The following EPHB6 variants were observed in gnomAD, a reference collection of about 807,000 sequenced individuals.
EPHB6 encodes the protein EPH receptor B6, also known as ephrin type-B receptor 6.
EPHB6 carries 51 observed loss-of-function variants against 107.0 expected under a neutral mutation model. The observed-to-expected ratio is 0.48, with a 90% CI of 0.38 to 0.60. EPHB6 has a LOEUF of 0.60. Ranked by LOEUF, EPHB6 falls within the 20% of genes least tolerant of loss-of-function variation. The pLI, the probability that EPHB6 is intolerant of heterozygous loss-of-function variation, is 0.00. For synonymous variants in EPHB6, 553 were observed against 549.0 expected (o/e 1.01, Z -0.10); for missense variants, 1,141 against 1,355.5 (o/e 0.84, Z 2.48).
rs1018424960 is a variant in EPHB6 at position 142,864,834 on chromosome 7, A to C, written c.949+85A>C. 8 of 1,519,614 alleles carry C rather than the reference A, an allele frequency of 5.3e-6. No individual in the cohort carries two copies. In the African/African-American group the frequency reaches 8.3e-5, roughly 16 times the overall value. 94.1% of individuals were successfully genotyped at this position (1,519,614 alleles called of 1,614,324 possible). A position where few individuals can be genotyped will look rare whatever the true frequency, so the allele number is the denominator to read the frequency against. On this transcript the variant is annotated intron_variant, in intron 7 of 19. Transcript: ENST00000652003. ...CTCCTCTCTGAACACCCCAAAATTC[A>C]TTTTATCTGCAAAAGGTCAGGAATA...
chr7:142,859,186 C>T (rs943275125), intron 1 of EPHB6, among the ~76,000 whole-genome samples: 1 of 152,142 alleles, frequency 6.6e-6, no homozygotes, highest in Non-Finnish European at 1.5e-5. Flanking sequence ...CTCAAGCAGG[C>T]TGTGAGAGAG....
rs1245324878 is a variant in EPHB6, at chr7:142,870,046, C to T, written c.2610+80C>T. ...AACATTCTAGGACCTCCATTCTCTA[C>T]TCCGTTTGTATTCTAAGATCTCATG... On this transcript the variant is annotated intron_variant, in intron 17 of 19. Transcript: ENST00000652003. 4 of 1,605,848 alleles carry T rather than the reference C, an allele frequency of 2.5e-6. No homozygotes were observed. The East Asian group carries it at 6.7e-5, about 27-fold the overall frequency.
Position 142,867,073 on chromosome 7 carries a change from G to T in EPHB6, c.1750+5G>T, listed in dbSNP as rs765266650. On this transcript the variant is annotated splice_donor_5th_base_variant and intron_variant, in intron 11 of 19. Coordinates refer to ENST00000652003, the MANE Select transcript of EPHB6 (RefSeq NM_004445.6). The surrounding 1 kb of genome is among the most constrained non-coding windows in gnomAD (Gnocchi z 5.3). Reference sequence around the variant, plus strand: ...ATTTCCAGACACTTCCTCAAGGTGAGCGGGGGTCAAGGGCCAGATGGGCAG... The same window carrying T: ...ATTTCCAGACACTTCCTCAAGGTGATCGGGGGTCAAGGGCCAGATGGGCAG... 6.2e-7 allele frequency: 1 copy of T among 1,612,366 alleles called. No homozygotes were observed. The highest frequency in any genetic ancestry group is 1.7e-5 in the Admixed American group (1 of 60,012).
chr7:142,865,695 C>T (rs1803121109), intron 8 of EPHB6, 65 bp downstream of exon 8: 2 of 1,586,434 alleles, frequency 1.3e-6, no homozygotes, highest in Non-Finnish European at 8.6e-7. Flanking sequence ...GTGGGGGTAG[C>T]AGGCAACACT....
rs1275998085 is a variant in EPHB6, at chr7:142,862,847, A to G, written c.-102+14A>G. Reference sequence around the variant, plus strand: ...AAAAAAAAAAGGGTAAGATTGACCCAGAAACACCCTCTGCCCCACTTCTAG... The same window carrying G: ...AAAAAAAAAAGGGTAAGATTGACCCGGAAACACCCTCTGCCCCACTTCTAG... On this transcript the variant is annotated intron_variant, in intron 4 of 19. Coordinates refer to ENST00000652003, the MANE Select transcript of EPHB6 (RefSeq NM_004445.6). 1 of 221,012 alleles carries G rather than the reference A, an allele frequency of 4.5e-6. No individual in the cohort carries two copies. The highest frequency in any genetic ancestry group is 8.9e-6 in the Non-Finnish European group (1 of 111,778). The allele number at this position is 221,012 out of a possible 1,614,324, so 13.7% of individuals were successfully genotyped here.
At chr7:142,856,177 T>G (rs1485831011) in intron 1 of EPHB6, among the ~76,000 whole-genome samples, 1 of 152,146 alleles carries the variant, frequency 6.6e-6, no homozygotes, top group Non-Finnish European at 1.5e-5. Flanking sequence ...CAGGGGAACT[T>G]GACTGAGGCT....
chr7:142,857,937 T>A (rs1369069340), intron 1 of EPHB6, among the ~76,000 whole-genome samples: 1 of 152,250 alleles, frequency 6.6e-6, no homozygotes, highest in Non-Finnish European at 1.5e-5. Flanking sequence ...TATTTCCACC[T>A]CTACCTTCTT....
intron 17 of EPHB6, 101 bp from the exon 18 acceptor site, chr7:142,870,113 A>G: frequency 1.3e-6 from 2 of 1,584,672 alleles, no homozygotes; most frequent in Admixed American, 1.7e-5. Flanking sequence ...CTCCACTCCA[A>G]CCTCATGCTC....
intron 5 of EPHB6, 120 bp from the exon 6 acceptor site, chr7:142,863,511 C>A: frequency 1.5e-6 from 2 of 1,307,632 alleles, no homozygotes; most frequent in South Asian, 1.2e-5. Flanking sequence ...CAGCTGTGCT[C>A]CTGCTGGCAA....
rs746542529 is a variant in EPHB6, at chr7:142,864,328, C to A, written c.528C>A (p.Ser176=). Reference sequence around the variant, plus strand: ...CCTCCTCCTCCTCCTCCTCTTCTTCCTCTGCAGCGTGGGCTGTGGGACCCC... The same window carrying A: ...CCTCCTCCTCCTCCTCCTCTTCTTCATCTGCAGCGTGGGCTGTGGGACCCC... ...SSSSSSSSSS[S]SAAWAVGPHG... is the part of the protein sequence containing the mutation. Residue 176 remains serine (S), a synonymous_variant, in exon 7 of 20, where the codon TCC becomes TCA. Coordinates refer to ENST00000652003, the MANE Select transcript of EPHB6 (RefSeq NM_004445.6). 5.6e-6 allele frequency: 9 copies of A among 1,612,458 alleles called. No homozygotes were observed. The South Asian group carries it at 9.9e-5, about 18-fold the overall frequency.
At position 142,867,709 on chromosome 7, in the gene EPHB6, G is replaced by T. The variant is rs750369659; in HGVS notation, c.1852G>T (p.Val618Phe). 3 of 1,611,888 alleles carry T rather than the reference G, an allele frequency of 1.9e-6. No individual in the cohort carries two copies. In the East Asian group the frequency reaches 6.7e-5, roughly 36 times the overall value. ...GCTGGCAGCCATCACCGTGCTGGCG[G>T]TCGTCTTCCAGCGGTGAGTCCCCAC... ...LLLAAITVLA[V>F]VFQRKRRGTG... The change falls in exon 12 of 20, where the codon GTC becomes TTC. Residue 618 changes from valine to phenylalanine, a missense_variant. By Grantham distance (50) the Val-to-Phe change is conservative (BLOSUM62 -1). This residue lies in a region of EPHB6 where 616 missense variants were observed against 759.3 expected (regional missense o/e 0.81). Coordinates refer to ENST00000652003, the MANE Select transcript of EPHB6 (RefSeq NM_004445.6). This position sits in a 1 kb window ranked among gnomAD's most constrained non-coding sequence, Gnocchi z 5.3.
chr7:142,861,717 C>T (rs1360946240), intron 2 of EPHB6, among the ~76,000 whole-genome samples: 3 of 152,206 alleles, frequency 2.0e-5, no homozygotes, highest in Non-Finnish European at 1.5e-5. Flanking sequence ...AGTTAGTTTA[C>T]AGCCTTTTCT....
chr7:142,857,433 A>C (rs1190750502), intron 1 of EPHB6, among the ~76,000 whole-genome samples: 2 of 152,202 alleles, frequency 1.3e-5, no homozygotes, highest in African/African-American at 4.8e-5. Flanking sequence ...GTGGAGATTA[A>C]AGGATAGAGG....
chr7:142,866,095 G>T lies in EPHB6; in HGVS notation c.1241G>T (p.Arg414Leu). The T allele has an allele frequency of 6.2e-7, 1 of 1,611,904 alleles. No individual in the cohort carries two copies. The highest frequency in any genetic ancestry group is 1.3e-5 in the African/African-American group (1 of 75,020). The change falls in exon 9 of 20, where the codon CGC becomes CTC. Residue 414 changes from arginine to leucine, a missense_variant. Coordinates refer to ENST00000652003, the MANE Select transcript of EPHB6 (RefSeq NM_004445.6). This position sits in a 1 kb window ranked among gnomAD's most constrained non-coding sequence, Gnocchi z 5.2. ...GTCGTGTGCAAGGAGTGTGAAGGCCGCCAGGAACCTGCCAGCGGTGGTGGG... is the reference window on the plus strand; with the variant it reads ...GTCGTGTGCAAGGAGTGTGAAGGCCTCCAGGAACCTGCCAGCGGTGGTGGG... ...FNVVCKECEG[R>L]QEPASGGGGT...
Position 142,864,246 on chromosome 7 carries a change from T to G in EPHB6, c.446T>G (p.Leu149Arg), listed in dbSNP as rs778542770. The G allele has an allele frequency of 1.2e-5, 20 of 1,613,706 alleles. No homozygotes were observed. The highest frequency in any genetic ancestry group is 3.3e-5 in the Admixed American group (2 of 60,008). Residue 149 changes from leucine (L) to arginine (R), a missense_variant, in exon 7 of 20, where the codon CTC becomes CGC. By Grantham distance (102) the Leu-to-Arg change is moderately radical. Transcript: ENST00000652003. ...DSPDSVSSWH[L>R]KRWTKVDTIA... ...CCTGACAGCGTTTCCTCCTGGCACC[T>G]CAAACGCTGGACCAAGGTGGACACA...
rs1043565976 is a variant in EPHB6 at position 142,868,807 on chromosome 7, G to A, written c.2286+68G>A. Reference sequence around the variant, plus strand: ...GAAAGCTTCCAGGAGACGAGGTCCTGTATCTTTGCTTCTTACCACCCCACC... The same window carrying A: ...GAAAGCTTCCAGGAGACGAGGTCCTATATCTTTGCTTCTTACCACCCCACC... On this transcript the variant is annotated intron_variant, in intron 15 of 19. Transcript: ENST00000652003. This position sits in a 1 kb window ranked among gnomAD's most constrained non-coding sequence, Gnocchi z 4.2. 13 of 1,612,260 alleles carry A rather than the reference G, an allele frequency of 8.1e-6. No homozygotes were observed. Among genetic ancestry groups the A allele is most frequent in the South Asian group, 4.4e-5 (4 of 90,992 alleles).
chr7:142,870,292 G>A lies in EPHB6; in HGVS notation c.2689G>A (p.Asp897Asn). 1 of 1,614,226 alleles carries A rather than the reference G, an allele frequency of 6.2e-7. No homozygotes were observed. The highest frequency in any genetic ancestry group is 2.2e-5 in the East Asian group (1 of 44,882). ...CPPGLHLLML[D>N]TWQKDRARRP... is the part of the protein sequence containing the mutation. Reference sequence around the variant, plus strand: ...TCCTGGATTACATCTACTTATGTTGGACACTTGGCAGAAGGACCGTGCCCG... The same window carrying A: ...TCCTGGATTACATCTACTTATGTTGAACACTTGGCAGAAGGACCGTGCCCG... Residue 897 changes from aspartate (D) to asparagine (N), a missense_variant, in exon 18 of 20, where the codon GAC becomes AAC. By Grantham distance (23) the Asp-to-Asn change is conservative. Around this residue, in one of 3 missense-constraint regions of EPHB6, gnomAD observed 616 missense variants for 759.3 expected, o/e 0.81. Coordinates refer to ENST00000652003, the MANE Select transcript of EPHB6 (RefSeq NM_004445.6).
rs1269316088 is a variant in EPHB6, at chr7:142,862,750, A to T, written c.-179-6A>T. 1 of 156,884 alleles carries T rather than the reference A, an allele frequency of 6.4e-6. No homozygotes were observed. Among genetic ancestry groups the T allele is most frequent in the African/African-American group, 2.4e-5 (1 of 41,440 alleles). The allele number at this position is 156,884 out of a possible 1,614,324, so 9.7% of individuals were successfully genotyped here. ...TTTAATGAAAATCTTCTAACTTCCA[A>T]TACAGGGTGGCTGTTGGAGGAAGGG... On this transcript the variant is annotated splice_polypyrimidine_tract_variant and splice_region_variant and intron_variant, in intron 3 of 19. Coordinates refer to ENST00000652003, the MANE Select transcript of EPHB6 (RefSeq NM_004445.6).
chr7:142,865,865 CT>C (rs1447152739), intron 8 of EPHB6, 94 bp from the exon 9 acceptor site: 10 of 1,378,644 alleles, frequency 7.3e-6, no homozygotes, highest in Non-Finnish European at 9.2e-6. Flanking sequence ...CTCCTTCCCT[CT>C]CGGCCACCCA....
Sources: gnomAD v4.1 joint callset for allele counts (sites outside exome capture counted in the v4.1 genomes callset) on GRCh38, gnomAD v4.1.1 for gene constraint, gnomAD v4.1.1 regional missense constraint, Gnocchi (gnomAD v3.1) non-coding constraint, MANE v1.5 for transcripts, NCBI Gene and HGNC (gene_info 2026-07-23, HGNC 2026-07-21) for gene names.